Variants in IQSEC2 observed in about 807,000 individuals in gnomAD.
IQSEC2 encodes IQ motif and SEC7 domain-containing protein 2.
A neutral mutation model predicts 74.6 loss-of-function variants in IQSEC2; 6 were observed. That is an observed-to-expected ratio of 0.08 (90% CI 0.04 to 0.16). IQSEC2 has a LOEUF of 0.16. Among genes scored for constraint, IQSEC2 ranks in the 10% least tolerant of loss-of-function variants. IQSEC2 has a pLI of 1.00. For synonymous variants in IQSEC2, 494 were observed against 544.5 expected, an observed-to-expected ratio of 0.91 and a Z score of 1.29; for missense variants, 734 against 1,306.2, an observed-to-expected ratio of 0.56 and a Z score of 6.75.
intron 2 of IQSEC2, among the ~76,000 whole-genome samples, chrX:53,280,061 G>A (rs969732275): frequency 9.1e-6 from 1 of 109,941 alleles, no homozygotes; most frequent in African/African-American, 3.3e-5. Context: ...GAAAGAGCCG[G>A]GCTGGGCCTC....
rs1241595562 is a variant in IQSEC2, at chrX:53,255,951, C to T, written c.848G>A (p.Gly283Asp). The change falls in exon 3 of 15, where the codon GGC (glycine) becomes GAC (aspartate). Residue 283 changes from glycine (G) to aspartate (D), a missense_variant. By Grantham distance (94) the Gly-to-Asp change is moderately conservative. Coordinates refer to ENST00000642864, the MANE Select transcript of IQSEC2 (RefSeq NM_001111125.3). ...QLPPSSSHMGGPPAGVGLPWA... is the reference protein window; with the variant it reads ...QLPPSSSHMGDPPAGVGLPWA... Reference sequence around the variant, plus strand: ...GGGAAGGCCCACTCCAGCAGGGGGGCCCCCCATGTGGCTGCTGGAGGGGGG... The same window carrying T: ...GGGAAGGCCCACTCCAGCAGGGGGGTCCCCCATGTGGCTGCTGGAGGGGGG... The T allele has an allele frequency of 8.4e-7, 1 of 1,196,073 alleles. No homozygotes were observed. The highest frequency in any genetic ancestry group is 1.1e-6 in the Non-Finnish European group (1 of 886,227).
At chrX:53,239,052 C>T in intron 11 of IQSEC2, 143 bp downstream of exon 11, 1 of 504,901 alleles carries the variant, frequency 2.0e-6, no homozygotes, top group Non-Finnish European at 3.5e-6. Context: ...TGGCCTGCCC[C>T]TCATCCTGGG....
chrX:53,252,389 A>C (rs1391235097), intron 4 of IQSEC2, among the ~76,000 whole-genome samples: 8 of 111,304 alleles, frequency 7.2e-5, no homozygotes, highest in East Asian at 2.8e-4. Flanking sequence ...AAAAAAAAAA[A>C]AACTGCAAAA....
At chrX:53,310,256 T>G (rs963390359) in intron 1 of IQSEC2, among the ~76,000 whole-genome samples, 3 of 110,342 alleles carry the variant, frequency 2.7e-5, no homozygotes, top group Non-Finnish European at 5.7e-5. Context: ...TGGTAGTGCA[T>G]GTCTGTGGTC....
Position 53,259,223 on chromosome X carries a change from A to G in IQSEC2, c.738-3162T>C, listed in dbSNP as rs782711976. Among the ~76,000 whole-genome samples the G allele has an allele frequency of 2.9e-5, 3 of 102,891 alleles. 1 individual carries two copies. In the South Asian group the frequency reaches 1.3e-3, roughly 46 times the overall value. The allele number at this position is 102,891 out of a possible 115,157, so 89.3% of individuals were successfully genotyped here. ...AAAAAAAAAAAAAAAGTACAAATCT[A>G]GCTGGGCACAGTGGCTTATACTTGT... is the stretch of plus-strand genomic sequence containing the variant. On this transcript the variant is annotated intron_variant, in intron 2 of 14. Coordinates refer to ENST00000642864, the MANE Select transcript of IQSEC2 (RefSeq NM_001111125.3).
intron 1 of IQSEC2, among the ~76,000 whole-genome samples, chrX:53,308,478 G>A: frequency 9.0e-6 from 1 of 111,417 alleles, no homozygotes; most frequent in Non-Finnish European, 1.9e-5. Context: ...TAGTGACATA[G>A]TCATAATCAC....
intron 1 of IQSEC2, among the ~76,000 whole-genome samples, chrX:53,303,799 T>TAA (rs782516827): frequency 1.1e-4 from 10 of 94,684 alleles, no homozygotes; most frequent in Non-Finnish European, 6.4e-5. Context: ...AAACTCCATC[T>TAA]AAAAAAAAAA....
intron 2 of IQSEC2, among the ~76,000 whole-genome samples, chrX:53,267,918 A>G (rs2074684273): frequency 8.9e-6 from 1 of 111,810 alleles, no homozygotes; most frequent in Non-Finnish European, 1.9e-5. Context: ...ATTGTTAACT[A>G]CTCGTGAGCT....
At chrX:53,231,791 T>G (rs2074065970), downstream of IQSEC2, 1 of 112,342 alleles carries the variant, frequency 8.9e-6, no homozygotes, top group Non-Finnish European at 1.9e-5. Flanking sequence ...CTTCAAACCC[T>G]CAAGTCTGGT....
At position 53,234,071 on chromosome X, in the gene IQSEC2, C is replaced by T. The variant is rs1340225853; in HGVS notation, c.*148G>A. ...ATGGCAACTGCTGGGGGTGAGAGGA[C>T]GGGTCCCAAGGCAGGGAGGACATGG... On this transcript the variant is annotated 3_prime_UTR_variant, in exon 15 of 15. Coordinates refer to ENST00000642864, the MANE Select transcript of IQSEC2 (RefSeq NM_001111125.3). 2 of 308,559 alleles carry T rather than the reference C, an allele frequency of 6.5e-6. No individual in the cohort carries two copies. The highest frequency in any genetic ancestry group is 1.2e-5 in the Non-Finnish European group (2 of 173,367). The allele number at this position is 308,559 out of a possible 1,213,427, so 25.4% of individuals were successfully genotyped here.
chrX:53,311,293 TG>T (rs2075320665), intron 1 of IQSEC2, among the ~76,000 whole-genome samples: 1 of 108,713 alleles, frequency 9.2e-6, no homozygotes, highest in Non-Finnish European at 1.9e-5. Context: ...TAGCTTCAGT[TG>T]GATGATTTGT....
chrX:53,287,855 A>G (rs2075048454), intron 2 of IQSEC2, among the ~76,000 whole-genome samples: 1 of 111,629 alleles, frequency 9.0e-6, no homozygotes. Context: ...GAAACCTCTT[A>G]CCCCTTCTTG....
chrX:53,228,522 G>C (rs1556858027), downstream of IQSEC2, among the ~76,000 whole-genome samples: 1 of 111,911 alleles, frequency 8.9e-6, no homozygotes, highest in Non-Finnish European at 1.9e-5. Flanking sequence ...ACATGGAGTT[G>C]GTGCAGAGCA....
Position 53,320,738 on chromosome X carries a change from A to G in IQSEC2, c.386T>C (p.Val129Ala). 2 of 1,167,296 alleles carry G rather than the reference A, an allele frequency of 1.7e-6. No individual in the cohort carries two copies. Among genetic ancestry groups the G allele is most frequent in the Non-Finnish European group, 2.3e-6 (2 of 872,832 alleles). Residue 129 changes from valine to alanine, a missense_variant, in exon 1 of 15, where the codon GTG becomes GCG. Val to Ala is a moderately conservative substitution (Grantham distance 64). Around this residue, in one of 12 missense-constraint regions of IQSEC2, gnomAD observed 134 missense variants for 214.9 expected, o/e 0.62. Transcript: ENST00000642864. ...GGCGTCCCGCTCCTTGTCCCGATAC[A>G]CAGCCTCCCGATTCTGGTAGGCGCC... ...REGAYQNREAVYRDKERDASY... is the reference protein window; with the variant it reads ...REGAYQNREAAYRDKERDASY...
At position 53,243,476 on chromosome X, in the gene IQSEC2, G is replaced by A. The variant is rs1569297499; in HGVS notation, c.2750-5C>T. The A allele has an allele frequency of 8.5e-7, 1 of 1,172,919 alleles. No individual in the cohort carries two copies. ...TGTCTTCACCATTGTCAACCCCTGG[G>A]GGAGGGAGTAACACAGGGATATGTC... is the stretch of plus-strand genomic sequence containing the variant. On this transcript the variant is annotated splice_polypyrimidine_tract_variant and splice_region_variant and intron_variant, in intron 8 of 14. Transcript: ENST00000642864.
At chrX:53,266,297 G>T in intron 2 of IQSEC2, 2 of 662,128 alleles carry the variant, frequency 3.0e-6, no homozygotes, top group Non-Finnish European at 3.6e-6. Flanking sequence ...AGAGGGAAGT[G>T]GGGGTGGGTG....
intron 2 of IQSEC2, chrX:53,266,827 G>T: frequency 3.7e-6 from 4 of 1,076,574 alleles, no homozygotes; most frequent in Non-Finnish European, 4.8e-6. Context: ...GGGGAGGAAG[G>T]GGCACGATGC....
At chrX:53,292,783 G>A (rs959221128) in intron 1 of IQSEC2, among the ~76,000 whole-genome samples, 27 of 111,740 alleles carry the variant, frequency 2.4e-4, no homozygotes, top group Admixed American at 2.3e-3. Context: ...GTGTGTACAC[G>A]TGTGTGTATG....
At chrX:53,232,589 A>G (rs1464567394), downstream of IQSEC2, among the ~76,000 whole-genome samples, 2 of 111,852 alleles carry the variant, frequency 1.8e-5, no homozygotes, top group Non-Finnish European at 3.8e-5. Flanking sequence ...GGAAACTGAG[A>G]CTCAGAGAGG....
Sources: gnomAD v4.1 joint callset for allele counts (sites outside exome capture counted in the v4.1 genomes callset) on GRCh38, gnomAD v4.1.1 for gene constraint, gnomAD v4.1.1 regional missense constraint, MANE v1.5 for transcripts, NCBI Gene and HGNC (gene_info 2026-07-23, HGNC 2026-07-21) for gene names.